KCNK10: variants seen among roughly 807,000 people sequenced by gnomAD.
The protein encoded by KCNK10 is potassium channel subfamily K member 10.
In KCNK10, 25 loss-of-function variants were observed where a neutral mutation model predicts 47.7. That is an observed-to-expected ratio of 0.52 (90% CI 0.38 to 0.73). KCNK10 has a LOEUF of 0.73. Ranked by LOEUF, KCNK10 falls within the 30% of genes least tolerant of loss-of-function variation. KCNK10 has a pLI of 0.00. For synonymous variants in KCNK10, 303 were observed against 285.6 expected (o/e 1.06, Z -0.61); for missense variants, 563 against 714.5 (o/e 0.79, Z 2.42).
At chr14:88,325,680 C>G (rs1888645500), upstream of KCNK10, among the ~76,000 whole-genome samples, 1 of 71,360 alleles carries the variant, frequency 1.4e-5, no homozygotes, top group South Asian at 4.3e-4. Flanking sequence ...ATTTTCCAAG[C>G]CTCCAGGCCC....
chr14:88,211,157 G>A (rs1885445048), intron 4 of KCNK10, among the ~76,000 whole-genome samples: 2 of 152,168 alleles, frequency 1.3e-5, no homozygotes, highest in African/African-American at 4.8e-5. Context: ...TACAGACAGG[G>A]GGATATTACT....
intron 1 of KCNK10, among the ~76,000 whole-genome samples, chr14:88,276,357 A>C (rs1284746003): frequency 6.6e-6 from 1 of 151,882 alleles, no homozygotes; most frequent in Non-Finnish European, 1.5e-5. Context: ...CCAGACACTG[A>C]ATCTGCCTTG....
chr14:88,265,062 G>A (rs1213401367), intron 1 of KCNK10, among the ~76,000 whole-genome samples: 2 of 152,182 alleles, frequency 1.3e-5, no homozygotes, highest in East Asian at 3.9e-4. Flanking sequence ...CTCCCAAGGG[G>A]CCTCCCTGCT....
At chr14:88,313,115 G>T (rs536287715) in intron 1 of KCNK10, among the ~76,000 whole-genome samples, 41 of 152,284 alleles carry the variant, frequency 2.7e-4, no homozygotes, top group African/African-American at 9.9e-4. Flanking sequence ...AGGTAACTTT[G>T]GGCAAGTTAC....
chr14:88,311,882 G>A (rs1457103262), intron 1 of KCNK10, among the ~76,000 whole-genome samples: 4 of 151,940 alleles, frequency 2.6e-5, no homozygotes, highest in African/African-American at 9.7e-5. Flanking sequence ...AAAGAATAGA[G>A]GGGAAAACAA....
chr14:88,248,888 A>T (rs1041233955), intron 2 of KCNK10, among the ~76,000 whole-genome samples: 1 of 152,128 alleles, frequency 6.6e-6, no homozygotes, highest in Non-Finnish European at 1.5e-5. Context: ...CCTAAAATTA[A>T]TCATAGCTGC....
rs748415218 is a variant in KCNK10 at position 88,322,698 on chromosome 14, G to A, written c.52+49C>T. 28 of 1,611,816 alleles carry A rather than the reference G, an allele frequency of 1.7e-5. No individual in the cohort carries two copies. The highest frequency in any genetic ancestry group is 2.1e-5 in the Non-Finnish European group (25 of 1,178,100). ...CTTCCACTCAAGGAAGCGCGCACAC[G>A]CCGGAGACAGAGGCAGGGCGAGGGC... On this transcript the variant is annotated intron_variant, in intron 1 of 6. Transcript: ENST00000319231. This position sits in a 1 kb window ranked among gnomAD's most constrained non-coding sequence, Gnocchi z 4.8.
intron 3 of KCNK10, 28 bp downstream of exon 3, chr14:88,240,675 G>C: frequency 2.1e-6 from 3 of 1,397,492 alleles, no homozygotes; most frequent in Non-Finnish European, 3.1e-6. Flanking sequence ...ACCTGCAGAG[G>C]AAGAGATATT....
chr14:88,305,342 A>G (rs1246965179), intron 1 of KCNK10, among the ~76,000 whole-genome samples: 1 of 152,218 alleles, frequency 6.6e-6, no homozygotes, highest in African/African-American at 2.4e-5. Context: ...AAGAATTACC[A>G]TAAATGATGA....
At chr14:88,247,446 C>T (rs1455379811) in intron 2 of KCNK10, among the ~76,000 whole-genome samples, 1 of 152,212 alleles carries the variant, frequency 6.6e-6, no homozygotes, top group African/African-American at 2.4e-5. Context: ...AAAGAGGCAC[C>T]TTCAGTGCTG....
chr14:88,204,600 G>A (rs567202811), intron 4 of KCNK10, among the ~76,000 whole-genome samples: 275 of 9,190 alleles, frequency 0.03, 3 homozygotes, highest in African/African-American at 0.097. Flanking sequence ...CCCTACCCCC[G>A]CTGCAGGCAG....
chr14:88,238,785 CTTAA>C (rs1886369799), intron 3 of KCNK10, among the ~76,000 whole-genome samples: 1 of 152,196 alleles, frequency 6.6e-6, no homozygotes, highest in South Asian at 2.1e-4. Flanking sequence ...CCTCACCAAT[CTTAA>C]TTATTTCTAG....
upstream of KCNK10, chr14:88,326,543 T>G (rs1223492515): frequency 3.0e-6 from 3 of 987,270 alleles, no homozygotes; most frequent in Non-Finnish European, 4.7e-6. Flanking sequence ...TTAAGTCTGG[T>G]GGAAAGAGAC....
chr14:88,216,554 G>A (rs1020522769), intron 4 of KCNK10, among the ~76,000 whole-genome samples: 8 of 152,118 alleles, frequency 5.3e-5, no homozygotes, highest in African/African-American at 1.9e-4. Flanking sequence ...ATAGTATCGA[G>A]GCTGAGCAAT....
intron 3 of KCNK10, among the ~76,000 whole-genome samples, chr14:88,238,800 A>G (rs1278761766): frequency 2.6e-5 from 4 of 152,186 alleles, no homozygotes; most frequent in African/African-American, 4.8e-5. Context: ...TTATTTCTAG[A>G]TTTACATTTA....
Position 88,263,408 on chromosome 14 carries a change from C to T in KCNK10, c.196G>A (p.Gly66Arg), listed in dbSNP as rs1301816546. ...VVARMEGTSQGGLQTVMKWKT... is the reference protein window; with the variant it reads ...VVARMEGTSQRGLQTVMKWKT... The stretch of plus-strand genomic sequence containing the variant: ...CACTTCATGACGGTCTGCAAGCCCC[C>T]TTGGGAGGTGCCTTCCATCCTGGCT... Residue 66 changes from glycine (G) to arginine (R), a missense_variant, in exon 2 of 7, where the codon GGG becomes AGG. Transcript: ENST00000319231. 1.2e-6 allele frequency: 2 copies of T among 1,614,154 alleles called. No individual in the cohort carries two copies.
intron 4 of KCNK10, among the ~76,000 whole-genome samples, chr14:88,201,696 C>G (rs1002997925): frequency 6.6e-6 from 1 of 152,100 alleles, no homozygotes; most frequent in Non-Finnish European, 1.5e-5. Context: ...TACACTGAAG[C>G]CTATTTTGAT....
intron 4 of KCNK10, among the ~76,000 whole-genome samples, chr14:88,197,862 GAGA>G (rs749207727): frequency 0.028 from 1,354 of 48,238 alleles, 9 homozygotes; most frequent in Non-Finnish European, 0.045. Context: ...AGGGAAGGGA[GAGA>G]GAGAGAGAGA....
Position 88,184,352 on chromosome 14 carries a change from A to C in KCNK10, c.*1183T>G, listed in dbSNP as rs1884469742. On this transcript the variant is annotated 3_prime_UTR_variant, in exon 7 of 7. Transcript: ENST00000319231. ...ATAAAAGTAAAATGAAATATTTTAA[A>C]TATTTCTAAGTATCATTGTTAAATG... 1 of 152,350 alleles carries C rather than the reference A, an allele frequency of 6.6e-6. No individual in the cohort carries two copies. Among genetic ancestry groups the C allele is most frequent in the East Asian group, 1.9e-4 (1 of 5,312 alleles). The allele number at this position is 152,350 out of a possible 1,614,324, so 9.4% of individuals were successfully genotyped here. A position where few individuals can be genotyped will look rare whatever the true frequency, so the allele number is the denominator to read the frequency against.
Sources: allele counts gnomAD v4.1 joint callset (sites outside exome capture counted in the v4.1 genomes callset), GRCh38; gene constraint gnomAD v4.1.1; non-coding constraint Gnocchi (gnomAD v3.1); transcripts MANE v1.5; gene names NCBI Gene and HGNC (gene_info 2026-07-23, HGNC 2026-07-21).